NECTIN3: variants seen among roughly 807,000 people sequenced by gnomAD.
NECTIN3 encodes the protein nectin cell adhesion molecule 3.
A neutral mutation model predicts 49.4 loss-of-function variants in NECTIN3; 8 were observed. That is an observed-to-expected ratio of 0.16 (90% confidence interval 0.10 to 0.29). The LOEUF (loss-of-function observed/expected upper bound fraction) is 0.29. Ranked by LOEUF, NECTIN3 falls within the 10% of genes least tolerant of loss-of-function variation. NECTIN3 has a pLI of 1.00. For missense variants in NECTIN3, 581 were observed against 654.6 expected (o/e 0.89, Z 1.23); for synonymous variants, 277 against 241.1 (o/e 1.15, Z -1.38).
At chr3:111,101,368 C>T (rs539041989) in intron 1 of NECTIN3, among the ~76,000 whole-genome samples, 34 of 152,162 alleles carry the variant, frequency 2.2e-4, no homozygotes, top group African/African-American at 6.5e-4. Flanking sequence ...TTAAAAATAT[C>T]ATGATACAGT....
rs757987352 is a variant in NECTIN3 at position 111,126,301 on chromosome 3, T to C, written c.1035T>C (p.Gly345=). 6.2e-7 allele frequency: 1 copy of C among 1,608,480 alleles called. No homozygotes were observed. Among genetic ancestry groups the C allele is most frequent in the South Asian group, 1.1e-5 (1 of 89,706 alleles). Residue 345 remains glycine (G), a synonymous_variant, in exon 5 of 6, where the codon GGT becomes GGC. Coordinates refer to ENST00000485303, the MANE Select transcript of NECTIN3 (RefSeq NM_015480.3). ...TCTGTAAAGTGACCAATTCCCTTGGTCAAAGAAGTGACCAAAAAGTCATCT... is the reference window on the plus strand; with the variant it reads ...TCTGTAAAGTGACCAATTCCCTTGGCCAAAGAAGTGACCAAAAAGTCATCT... ...VYICKVTNSL[G]QRSDQKVIYI...
chr3:111,097,238 A>T (rs2107409723), intron 1 of NECTIN3, among the ~76,000 whole-genome samples: 1 of 152,282 alleles, frequency 6.6e-6, no homozygotes, highest in Admixed American at 6.5e-5. Context: ...ACTGGACTTC[A>T]GCCCCTTTGT....
Position 111,072,044 on chromosome 3 carries a change from G to A in NECTIN3, c.27G>A (p.Pro9=). The A allele has an allele frequency of 6.5e-7, 1 of 1,541,412 alleles. No homozygotes were observed. The highest frequency in any genetic ancestry group is 2.5e-5 in the East Asian group (1 of 40,232). The change falls in exon 1 of 6, where the codon CCG becomes CCA. Residue 9 remains proline, a synonymous_variant. Transcript: ENST00000485303. MARTLRPS[P]LCPGGGKAQL... is the part of the protein sequence containing the mutation. ...TGGCGCGGACCCTGCGGCCGTCCCC[G>A]CTGTGTCCTGGAGGCGGCAAAGCAC...
chr3:111,130,781 A>ATAC (rs1308583750), intron 5 of NECTIN3, among the ~76,000 whole-genome samples: 1 of 152,128 alleles, frequency 6.6e-6, no homozygotes, highest in Non-Finnish European at 1.5e-5. Context: ...TATAATAGTA[A>ATAC]TACTCTCAAG....
intron 1 of NECTIN3, among the ~76,000 whole-genome samples, chr3:111,091,274 G>A (rs1200009923): frequency 6.6e-6 from 1 of 150,738 alleles, no homozygotes; most frequent in African/African-American, 2.4e-5. Context: ...TATTTTTTTT[G>A]AGACGGAGTC....
At chr3:111,127,985 A>C (rs2034234160) in intron 5 of NECTIN3, among the ~76,000 whole-genome samples, 1 of 152,148 alleles carries the variant, frequency 6.6e-6, no homozygotes, top group Non-Finnish European at 1.5e-5. Context: ...CTGTTGTACA[A>C]TTTGGTGTGG....
intron 7 of NECTIN3, among the ~76,000 whole-genome samples, chr3:111,157,748 A>G (rs901699069): frequency 2.6e-5 from 4 of 152,046 alleles, no homozygotes; most frequent in African/African-American, 9.7e-5. Context: ...GAATAAAGTT[A>G]AGTTTTAAGG....
At chr3:111,181,825 T>A (rs1352376291) in intron 7 of NECTIN3, among the ~76,000 whole-genome samples, 2 of 152,096 alleles carry the variant, frequency 1.3e-5, no homozygotes, top group Admixed American at 6.5e-5. Context: ...CAGATTTTGA[T>A]TTTATTAATT....
chr3:111,171,708 TA>T (rs5851758), intron 7 of NECTIN3, among the ~76,000 whole-genome samples: 122 of 142,300 alleles, frequency 8.6e-4, no homozygotes, highest in African/African-American at 2.3e-3. Context: ...TGGGACCTCA[TA>T]AAAAAAAAAA....
At chr3:111,147,237 A>T (rs1029740766) in intron 6 of NECTIN3, among the ~76,000 whole-genome samples, 1 of 152,186 alleles carries the variant, frequency 6.6e-6, no homozygotes, top group African/African-American at 2.4e-5. Flanking sequence ...GATCTTTGAT[A>T]GATTAATGGC....
chr3:111,162,286 C>G (rs553261429), intron 7 of NECTIN3, among the ~76,000 whole-genome samples: 3 of 152,238 alleles, frequency 2.0e-5, no homozygotes, highest in Admixed American at 6.5e-5. Flanking sequence ...CCACCCAAAT[C>G]TCATCTTGAG....
chr3:111,187,835 A>G (rs79575224), upstream of NECTIN3, among the ~76,000 whole-genome samples: 3,878 of 152,274 alleles, frequency 0.025, 210 homozygotes, highest in East Asian at 0.23. Context: ...AGGCCAGTTA[A>G]ATTATTCTGT....
chr3:111,144,932 T>G (rs765283909), exon 6 of NECTIN3: 3 of 1,536,322 alleles, frequency 2.0e-6, no homozygotes, highest in Non-Finnish European at 2.6e-6. Context: ...TCCATAGCTG[T>G]AGCTGGAGCG....
At chr3:111,084,848 G>C (rs1322346673) in intron 1 of NECTIN3, among the ~76,000 whole-genome samples, 1 of 152,180 alleles carries the variant, frequency 6.6e-6, no homozygotes, top group African/African-American at 2.4e-5. Flanking sequence ...TGCATACCTG[G>C]AAGGGTGGGC....
intron 3 of NECTIN3, among the ~76,000 whole-genome samples, chr3:111,121,002 T>C (rs895368786): frequency 3.7e-5 from 5 of 133,668 alleles, no homozygotes; most frequent in Non-Finnish European, 6.4e-5. Context: ...TATTTCTTTC[T>C]TTTTTTTTTT....
intron 1 of NECTIN3, among the ~76,000 whole-genome samples, chr3:111,078,073 A>G (rs1197627050): frequency 4.0e-5 from 6 of 151,648 alleles, no homozygotes; most frequent in East Asian, 3.8e-4. Flanking sequence ...CAGTAGATAT[A>G]TTATACTTAT....
At chr3:111,102,169 A>G (rs917521802) in intron 1 of NECTIN3, among the ~76,000 whole-genome samples, 3 of 152,154 alleles carry the variant, frequency 2.0e-5, no homozygotes, top group Non-Finnish European at 4.4e-5. Context: ...GTGGAGATCA[A>G]TAGAAATGGT....
chr3:111,098,074 A>G (rs564260872), intron 1 of NECTIN3, among the ~76,000 whole-genome samples: 1 of 152,114 alleles, frequency 6.6e-6, no homozygotes, highest in Non-Finnish European at 1.5e-5. Context: ...GCTGAAACCT[A>G]TTGAGTTTAT....
intron 5 of NECTIN3, among the ~76,000 whole-genome samples, chr3:111,142,945 A>G (rs2034785434): frequency 6.6e-6 from 1 of 151,878 alleles, no homozygotes; most frequent in African/African-American, 2.4e-5. Flanking sequence ...GTGTGGAGTA[A>G]ATAACGTACT....
Sources: allele counts gnomAD v4.1 joint callset (sites outside exome capture counted in the v4.1 genomes callset), GRCh38; gene constraint gnomAD v4.1.1; transcripts MANE v1.5; gene names NCBI Gene and HGNC (gene_info 2026-07-23, HGNC 2026-07-21).